The following SNAPC3 variants were observed in gnomAD, a reference collection of about 807,000 sequenced individuals.
The protein encoded by SNAPC3 is snRNA-activating protein complex subunit 3.
In SNAPC3, 56 loss-of-function variants were observed where a neutral mutation model predicts 47.7. The ratio of observed to expected loss-of-function variants is 1.18; its 90% CI spans 0.95 to 1.47. The LOEUF (loss-of-function observed/expected upper bound fraction) is 1.47. Among genes scored for constraint, SNAPC3 ranks in the 40% most tolerant of loss-of-function variants. The pLI, the probability that SNAPC3 is intolerant of heterozygous loss-of-function variation, is 0.00. For missense variants in SNAPC3, 665 were observed against 511.3 expected, an observed-to-expected ratio of 1.30 and a Z score of -2.90; for synonymous variants, 235 against 189.9, an observed-to-expected ratio of 1.24 and a Z score of -1.95.
At chr9:15,440,911 T>G (rs1220200744) in intron 3 of SNAPC3, among the ~76,000 whole-genome samples, 1 of 143,322 alleles carries the variant, frequency 7.0e-6, no homozygotes, top group Non-Finnish European at 1.5e-5. Context: ...ATAGCGCCAC[T>G]GCACTCCAGC....
At chr9:15,432,684 G>T (rs776486553) in intron 2 of SNAPC3, among the ~76,000 whole-genome samples, 1 of 152,146 alleles carries the variant, frequency 6.6e-6, no homozygotes, top group East Asian at 1.9e-4. Context: ...TAATAGAAAT[G>T]ATGAAATAAA....
chr9:15,465,948 T>C (rs2035595588), downstream of SNAPC3: 1 of 182,230 alleles, frequency 5.5e-6, no homozygotes, highest in African/African-American at 2.4e-5. Flanking sequence ...GAGAGGTTGA[T>C]ACACACATAG....
At position 15,447,099 on chromosome 9, in the gene SNAPC3, A is replaced by G; in HGVS notation, c.587A>G (p.Lys196Arg). Residue 196 changes from lysine (K) to arginine (R), a missense_variant, in exon 5 of 9, where the codon AAA becomes AGA. Lys to Arg is a conservative substitution (Grantham distance 26). Coordinates refer to ENST00000380821, the MANE Select transcript of SNAPC3 (RefSeq NM_001039697.2). ...TATTTATTCTTTGACTTTTAGCACA[A>G]AGAACACAAACCATACCAAACAATG... Reference protein sequence around the residue: ...ILYPVIFHKHKEHKPYQTMLV... With the variant: ...ILYPVIFHKHREHKPYQTMLV... 2 of 1,614,042 alleles carry G rather than the reference A, an allele frequency of 1.2e-6. No homozygotes were observed. The highest frequency in any genetic ancestry group is 1.7e-6 in the Non-Finnish European group (2 of 1,179,892).
intron 3 of SNAPC3, among the ~76,000 whole-genome samples, chr9:15,435,968 C>T (rs993465326): frequency 6.6e-5 from 10 of 150,816 alleles, no homozygotes; most frequent in Non-Finnish European, 1.2e-4. Context: ...ATCTGCCTCC[C>T]AAGTGGCTGG....
intron 3 of SNAPC3, among the ~76,000 whole-genome samples, chr9:15,436,096 G>A (rs552017808): frequency 1.3e-5 from 2 of 152,012 alleles, no homozygotes; most frequent in Non-Finnish European, 1.5e-5. Flanking sequence ...CATGCGCCTC[G>A]GTCTCCCAAA....
At chr9:15,423,850 C>T in intron 1 of SNAPC3, 59 bp from the exon 2 acceptor site, 1 of 995,958 alleles carries the variant, frequency 1.0e-6, no homozygotes. Flanking sequence ...ACAACCCTAA[C>T]TCGCTGTGAA....
chr9:15,459,964 T>G lies in SNAPC3; in HGVS notation c.*98T>G. On this transcript the variant is annotated 3_prime_UTR_variant, in exon 9 of 9. Coordinates refer to ENST00000380821, the MANE Select transcript of SNAPC3 (RefSeq NM_001039697.2). ...AACGCCACTGAGGAACAGGATCCAC[T>G]TTGAACAGTCCGCTAAAGCTATCAA... 9.3e-7 allele frequency: 1 copy of G among 1,071,408 alleles called. No individual in the cohort carries two copies. Among genetic ancestry groups the G allele is most frequent in the East Asian group, 2.4e-5 (1 of 41,024 alleles). 66.4% of individuals were successfully genotyped at this position (1,071,408 alleles called of 1,614,324 possible).
chr9:15,424,703 G>C (rs1471328474), intron 2 of SNAPC3, among the ~76,000 whole-genome samples: 1 of 152,164 alleles, frequency 6.6e-6, no homozygotes, highest in Non-Finnish European at 1.5e-5. Flanking sequence ...AGGCACTGTT[G>C]TATGATAATA....
chr9:15,433,302 G>T (rs1054169886), intron 2 of SNAPC3, among the ~76,000 whole-genome samples: 1 of 151,428 alleles, frequency 6.6e-6, no homozygotes, highest in Non-Finnish European at 1.5e-5. Flanking sequence ...ATTAAAAATT[G>T]TGTGAAATTT....
rs1036644836 is a variant in SNAPC3 at position 15,452,950 on chromosome 9, G to A, written c.816-91G>A. ...CTGTCCAGTTAGTTGGGTGAGCTAG[G>A]TTAATGTGAATTACTGCAATCACAA... On this transcript the variant is annotated intron_variant, in intron 6 of 8. Transcript: ENST00000380821. The A allele has an allele frequency of 1.5e-4, 160 of 1,070,640 alleles. 1 individual carries two copies. Among genetic ancestry groups the A allele is most frequent in the Non-Finnish European group, 1.9e-4 (142 of 737,372 alleles). The allele number at this position is 1,070,640 out of a possible 1,614,324, so 66.3% of individuals were successfully genotyped here. A position where few individuals can be genotyped will look rare whatever the true frequency, so the allele number is the denominator to read the frequency against.
chr9:15,430,664 G>A (rs892185702), intron 2 of SNAPC3, among the ~76,000 whole-genome samples: 1 of 152,132 alleles, frequency 6.6e-6, no homozygotes, highest in African/African-American at 2.4e-5. Context: ...GTTTCTGTCT[G>A]CTTGTTATTC....
In SNAPC3 at chr9:15,423,148, T is replaced by C; in HGVS notation, c.269T>C (p.Leu90Pro). ...DREDAAVARDLDCSLEAAAEL... is the reference protein window; with the variant it reads ...DREDAAVARDPDCSLEAAAEL... ...GAGGATGCCGCGGTGGCCAGGGATC[T>C]GGACTGCAGCCTGGAGGCGGCGGCT... The change falls in exon 1 of 9, where the codon CTG becomes CCG. Residue 90 changes from leucine to proline, a missense_variant. Transcript: ENST00000380821. 1 of 1,571,880 alleles carries C rather than the reference T, an allele frequency of 6.4e-7. No homozygotes were observed. Among genetic ancestry groups the C allele is most frequent in the Non-Finnish European group, 8.6e-7 (1 of 1,168,478 alleles).
chr9:15,451,803 C>T (rs540099784), intron 6 of SNAPC3, among the ~76,000 whole-genome samples: 1 of 152,014 alleles, frequency 6.6e-6, no homozygotes, highest in South Asian at 2.1e-4. Context: ...TTTTTTCTGC[C>T]TATCCAGCAT....
chr9:15,443,141 G>A (rs549342851), intron 3 of SNAPC3, among the ~76,000 whole-genome samples: 5 of 152,312 alleles, frequency 3.3e-5, no homozygotes, highest in African/African-American at 1.2e-4. Context: ...GCTTTGGCTC[G>A]GCATCAGAGG....
At chr9:15,459,546 A>G (rs1483690052) in intron 8 of SNAPC3, among the ~76,000 whole-genome samples, 173 bp from the exon 9 acceptor site, 4 of 152,190 alleles carry the variant, frequency 2.6e-5, no homozygotes, top group Non-Finnish European at 5.9e-5. Flanking sequence ...TAGAGAGAGT[A>G]TTGGTGGTGA....
intron 7 of SNAPC3, among the ~76,000 whole-genome samples, chr9:15,456,178 T>A (rs574517848): frequency 1.4e-5 from 2 of 144,060 alleles, no homozygotes; most frequent in Non-Finnish European, 3.0e-5. Context: ...CAGGCCTAAT[T>A]TTTGTATTTT....
At chr9:15,465,669 A>C, downstream of SNAPC3, 3 of 1,131,362 alleles carry the variant, frequency 2.7e-6, no homozygotes, top group Non-Finnish European at 3.8e-6. Flanking sequence ...ATATTTTTAA[A>C]CCCATGAAAA....
chr9:15,453,269 A>G (rs1377562663), intron 7 of SNAPC3, 64 bp downstream of exon 7: 6 of 1,305,248 alleles, frequency 4.6e-6, no homozygotes, highest in Non-Finnish European at 6.3e-6. Flanking sequence ...GTACAAAACC[A>G]GAGATAGTTT....
intron 2 of SNAPC3, among the ~76,000 whole-genome samples, chr9:15,429,124 C>A (rs1271478577): frequency 2.6e-5 from 4 of 152,028 alleles, no homozygotes; most frequent in African/African-American, 2.4e-5. Flanking sequence ...ATATAACTTA[C>A]AAAGGCAAAC....
Sources: allele counts gnomAD v4.1 joint callset (sites outside exome capture counted in the v4.1 genomes callset), GRCh38; gene constraint gnomAD v4.1.1; transcripts MANE v1.5; gene names NCBI Gene and HGNC (gene_info 2026-07-23, HGNC 2026-07-21).